The following SEMA4C variants were observed in gnomAD, a reference collection of about 807,000 sequenced individuals.
SEMA4C encodes the protein semaphorin 4C, also known as semaphorin-4C.
A neutral mutation model predicts 89.0 loss-of-function variants in SEMA4C; 19 were observed. The ratio of observed to expected loss-of-function variants is 0.21; its 90% CI spans 0.15 to 0.31. SEMA4C has a LOEUF of 0.31. Among genes scored for constraint, SEMA4C ranks in the 10% least tolerant of loss-of-function variants. The probability of loss-of-function intolerance (pLI) is 1.00; values close to 1 mark genes in which losing one functional copy is unlikely to be tolerated. For missense variants in SEMA4C, 811 were observed against 1,107.0 expected (o/e 0.73, Z 3.79); for synonymous variants, 428 against 472.7 (o/e 0.91, Z 1.23).
chr2:96,865,779 G>A lies in SEMA4C; in HGVS notation c.322-15C>T. 6.2e-7 allele frequency: 1 copy of A among 1,614,030 alleles called. No individual in the cohort carries two copies. ...AAGCACTCGGTCTGGGGGCAGAAAG[G>A]TGTCCGGTTAGTGAGAGCGCGAGGG... On this transcript the variant is annotated splice_polypyrimidine_tract_variant and intron_variant, in intron 4 of 14. Coordinates refer to ENST00000305476, the MANE Select transcript of SEMA4C (RefSeq NM_017789.5).
At position 96,864,810 on chromosome 2, in the gene SEMA4C, G is replaced by C. The variant is rs1343319951; in HGVS notation, c.857C>G (p.Ser286Cys). The change falls in exon 9 of 15, where the codon TCT becomes TGT. Residue 286 changes from serine to cysteine, a missense_variant. Transcript: ENST00000305476. This position sits in a 1 kb window ranked among gnomAD's most constrained non-coding sequence, Gnocchi z 6.3. The stretch of plus-strand genomic sequence containing the variant: ...GAAGTAGAGCTGCCAGTTCGGGGCA[G>C]AGCATGCCAGCCGCGCCTTCAGGAA... The part of the protein sequence containing the change: ...TTFLKARLAC[S>C]APNWQLYFNQ... 2 of 1,613,942 alleles carry C rather than the reference G, an allele frequency of 1.2e-6. No individual in the cohort carries two copies. The highest frequency in any genetic ancestry group is 1.1e-5 in the South Asian group (1 of 91,086).
chr2:96,866,414 G>T lies in SEMA4C; in HGVS notation c.127C>A (p.Arg43=), dbSNP rs763130678. 1 of 1,613,968 alleles carries T rather than the reference G, an allele frequency of 6.2e-7. No individual in the cohort carries two copies. The highest frequency in any genetic ancestry group is 1.3e-5 in the African/African-American group (1 of 75,078). The change falls in exon 3 of 15, where the codon CGG becomes AGG. Residue 43 remains arginine (R), a synonymous_variant. Coordinates refer to ENST00000305476, the MANE Select transcript of SEMA4C (RefSeq NM_017789.5). ...TGGATGCCGGTCTGGGAGAACCGCCGTACTACCGTGGCCAGCTCTGCAGGG... is the reference window on the plus strand; with the variant it reads ...TGGATGCCGGTCTGGGAGAACCGCCTTACTACCGTGGCCAGCTCTGCAGGG... The part of the protein sequence containing the change: ...VSSGELATVV[R]RFSQTGIQDF...
At position 96,861,421 on chromosome 2, in the gene SEMA4C, C is replaced by T. The variant is rs142956901; in HGVS notation, c.1707G>A (p.Ala569=). The change falls in exon 15 of 15, where the codon GCG becomes GCA. Residue 569 remains alanine, a synonymous_variant. Coordinates refer to ENST00000305476, the MANE Select transcript of SEMA4C (RefSeq NM_017789.5). The surrounding 1 kb of genome is among the most constrained non-coding windows in gnomAD (Gnocchi z 7.8). The stretch of plus-strand genomic sequence containing the variant: ...GGCAGGGCAGCACCAGGTCTGTGCC[C>T]GCCACCACCGTGATGTTTTTGGGAG... ...RPTPKNITVV[A]GTDLVLPCHL... 432 of 1,611,514 alleles carry T rather than the reference C, an allele frequency of 2.7e-4. 1 individual carries two copies. Among genetic ancestry groups the T allele is most frequent in the Admixed American group, 2.8e-4 (17 of 59,990 alleles).
At position 96,864,365 on chromosome 2, in the gene SEMA4C, G is replaced by A; in HGVS notation, c.980C>T (p.Ser327Leu). Residue 327 changes from serine (S) to leucine (L), a missense_variant, in exon 10 of 15, where the codon TCG (serine) becomes TTG (leucine). This residue lies in a region of SEMA4C where 441 missense variants were observed against 664.9 expected (regional missense o/e 0.66). Transcript: ENST00000305476. This position sits in a 1 kb window ranked among gnomAD's most constrained non-coding sequence, Gnocchi z 6.3. ...FQAQWGDMYL[S>L]AICEYQLEEI... Reference sequence around the variant, plus strand: ...TTCCAACTGGTACTCACAGATGGCCGACAGGTACATGTCACCCCTGTCACA... The same window carrying A: ...TTCCAACTGGTACTCACAGATGGCCAACAGGTACATGTCACCCCTGTCACA... 6.2e-7 allele frequency: 1 copy of A among 1,613,716 alleles called. No homozygotes were observed. The highest frequency in any genetic ancestry group is 8.5e-7 in the Non-Finnish European group (1 of 1,179,998).
intron 1 of SEMA4C, chr2:96,869,066 G>A (rs2080148110): frequency 1.0e-6 from 1 of 985,426 alleles, no homozygotes; most frequent in Non-Finnish European, 1.2e-6. Context: ...GCGGCGCGGG[G>A]AGCGTGGCGA....
chr2:96,865,135 TCAG>T lies in SEMA4C; in HGVS notation c.635-23_635-21del. On this transcript the variant is annotated intron_variant, in intron 7 of 14. Transcript: ENST00000305476. ...GAGGTTCTGTGGGAAGGGGAGGAGG[TCAG>T]CAGGGAGGGGCTGGGCCCCGGGGGA... is the stretch of plus-strand genomic sequence containing the variant. 6.3e-7 allele frequency: 1 copy of T among 1,591,502 alleles called. No homozygotes were observed. Among genetic ancestry groups the T allele is most frequent in the Non-Finnish European group, 8.6e-7 (1 of 1,169,190 alleles).
rs2080119305 is a variant in SEMA4C at position 96,867,958 on chromosome 2, C to A, written c.-37-35G>T. ...GAAAAGACATGGTCAGAAATCACAGCCAGAGAAAGCAAACCAGAGGGGCCC... is the reference window on the plus strand; with the variant it reads ...GAAAAGACATGGTCAGAAATCACAGACAGAGAAAGCAAACCAGAGGGGCCC... On this transcript the variant is annotated intron_variant, in intron 1 of 14. Coordinates refer to ENST00000305476, the MANE Select transcript of SEMA4C (RefSeq NM_017789.5). 5.6e-6 allele frequency: 9 copies of A among 1,608,904 alleles called. No individual in the cohort carries two copies. The South Asian group carries it at 9.9e-5, about 18-fold the overall frequency.
chr2:96,865,620 G>A (rs773800258), intron 5 of SEMA4C, 46 bp downstream of exon 5: 1 of 1,600,612 alleles, frequency 6.2e-7, no homozygotes, highest in Non-Finnish European at 8.6e-7. Context: ...AGAAGGGTGA[G>A]GAGGGCGGGG....
Position 96,868,983 on chromosome 2 carries a change from G to A in SEMA4C, c.-38+893C>T, listed in dbSNP as rs141108361. On this transcript the variant is annotated intron_variant, in intron 1 of 14. Transcript: ENST00000305476. ...GCTCACCCCCAAACAAAGGGTCCCC[G>A]CCAAGACCCCGTCCCGGGTCCCCCC... 2.2e-4 allele frequency: 215 copies of A among 985,334 alleles called. 2 individuals are homozygous for A. In the Middle Eastern group the frequency reaches 6.3e-3, roughly 29 times the overall value. 61.0% of individuals were successfully genotyped at this position (985,334 alleles called of 1,614,324 possible). A position where few individuals can be genotyped will look rare whatever the true frequency, so the allele number is the denominator to read the frequency against.
intron 2 of SEMA4C, 161 bp from the exon 3 acceptor site, chr2:96,866,592 G>A (rs1327072669): frequency 1.0e-6 from 1 of 999,100 alleles, no homozygotes. Flanking sequence ...GGCCCTGACA[G>A]CCCCACCTGG....
At position 96,863,912 on chromosome 2, in the gene SEMA4C, A is replaced by C; in HGVS notation, c.1330+14T>G. ...CAGCCTTGAGCAGCCATGCCTGCAT[A>C]CCCATGCACCCACCTGTGCCAATGA... is the stretch of plus-strand genomic sequence containing the variant. On this transcript the variant is annotated intron_variant, in intron 11 of 14. Transcript: ENST00000305476. 1 of 1,600,282 alleles carries C rather than the reference A, an allele frequency of 6.2e-7. No homozygotes were observed. The highest frequency in any genetic ancestry group is 8.5e-7 in the Non-Finnish European group (1 of 1,170,894).
At chr2:96,867,622 G>A (rs2080109924) in intron 2 of SEMA4C, among the ~76,000 whole-genome samples, 156 bp downstream of exon 2, 1 of 152,168 alleles carries the variant, frequency 6.6e-6, no homozygotes, top group Non-Finnish European at 1.5e-5. Context: ...TCCCCCAGAG[G>A]AGGCTAATCC....
intron 2 of SEMA4C, chr2:96,866,727 C>T: frequency 1.9e-6 from 1 of 520,184 alleles, no homozygotes; most frequent in Non-Finnish European, 3.6e-6. Context: ...CTCTCAGGGT[C>T]AATGGCACCT....
chr2:96,870,339 G>A, upstream of SEMA4C: 1 of 984,576 alleles, frequency 1.0e-6, no homozygotes, highest in South Asian at 4.7e-5. Flanking sequence ...TGGGGCGGGG[G>A]AGGGACTCCG....
upstream of SEMA4C, chr2:96,870,653 AG>A: frequency 1.0e-6 from 1 of 985,462 alleles, no homozygotes; most frequent in South Asian, 4.7e-5. Context: ...TTCAATCAAC[AG>A]AAAGGGCCTG....
At position 96,861,942 on chromosome 2, in the gene SEMA4C, A is replaced by C. The variant is rs989648162; in HGVS notation, c.1444-48T>G. 3.2e-6 allele frequency: 5 copies of C among 1,557,144 alleles called. No individual in the cohort carries two copies. In the Admixed American group the frequency reaches 5.7e-5, roughly 18 times the overall value. Reference sequence around the variant, plus strand: ...GAGGGGGGTCGGCCAGGGCCACACCACGGGAGGGGCGGCCGGACCAGAACG... The same window carrying C: ...GAGGGGGGTCGGCCAGGGCCACACCCCGGGAGGGGCGGCCGGACCAGAACG... On this transcript the variant is annotated intron_variant, in intron 12 of 14. Transcript: ENST00000305476. The surrounding 1 kb of genome is among the most constrained non-coding windows in gnomAD (Gnocchi z 7.8).
chr2:96,865,965 G>A (rs376843061), intron 3 of SEMA4C, 36 bp from the exon 4 acceptor site: 2 of 1,603,124 alleles, frequency 1.2e-6, no homozygotes, highest in Non-Finnish European at 1.7e-6. Context: ...CCACGTTACA[G>A]GTACGGACTG....
Position 96,861,824 on chromosome 2 carries a change from G to T in SEMA4C, c.1514C>A (p.Ser505Tyr). The stretch of plus-strand genomic sequence containing the variant: ...CCGGGCGAGGACACAGTCTGCACAG[G>T]AGCGATACTTCATGCAGTCGGCCAC... Reference protein sequence around the residue: ...LPVADCMKYRSCADCVLARDP... With the variant: ...LPVADCMKYRYCADCVLARDP... Residue 505 changes from serine (S) to tyrosine (Y), a missense_variant, in exon 13 of 15, where the codon TCC (serine) becomes TAC (tyrosine). Ser to Tyr is a moderately radical substitution (Grantham distance 144, BLOSUM62 -2). Coordinates refer to ENST00000305476, the MANE Select transcript of SEMA4C (RefSeq NM_017789.5). This position sits in a 1 kb window ranked among gnomAD's most constrained non-coding sequence, Gnocchi z 7.8. The T allele has an allele frequency of 6.2e-7, 1 of 1,612,920 alleles. No individual in the cohort carries two copies. Among genetic ancestry groups the T allele is most frequent in the Non-Finnish European group, 8.5e-7 (1 of 1,180,000 alleles).
At chr2:96,866,184 G>A in intron 3 of SEMA4C, 99 bp downstream of exon 3, 1 of 1,488,416 alleles carries the variant, frequency 6.7e-7, no homozygotes, top group Non-Finnish European at 9.0e-7. Flanking sequence ...CAGCACTTCT[G>A]TGGGGGCAGC....
Sources: gnomAD v4.1 joint callset for allele counts (sites outside exome capture counted in the v4.1 genomes callset) on GRCh38, gnomAD v4.1.1 for gene constraint, gnomAD v4.1.1 regional missense constraint, Gnocchi (gnomAD v3.1) non-coding constraint, MANE v1.5 for transcripts, NCBI Gene and HGNC (gene_info 2026-07-23, HGNC 2026-07-21) for gene names.